The following SPTSSA variants were observed in gnomAD, a reference collection of about 807,000 sequenced individuals.
SPTSSA encodes the protein serine palmitoyltransferase small subunit A, also known as small subunit of serine palmitoyltransferase A.
In SPTSSA, 8 loss-of-function variants were observed where a neutral mutation model predicts 9.1. The ratio of observed to expected loss-of-function variants is 0.88; its 90% CI spans 0.51 to 1.58. SPTSSA has a LOEUF of 1.58. Ranked by LOEUF, SPTSSA falls within the 40% of genes most tolerant of loss-of-function variation. The pLI, the probability that SPTSSA is intolerant of heterozygous loss-of-function variation, is 0.00. For synonymous variants in SPTSSA, 42 were observed against 37.7 expected (o/e 1.11, Z -0.41); for missense variants, 100 against 93.8 (o/e 1.07, Z -0.27).
intron 1 of SPTSSA, among the ~76,000 whole-genome samples, chr14:34,445,851 G>A (rs1037304399): frequency 6.6e-6 from 1 of 152,126 alleles, no homozygotes; most frequent in African/African-American, 2.4e-5. Context: ...TGTTGTCATT[G>A]TAAACCACAG....
intron 1 of SPTSSA, among the ~76,000 whole-genome samples, chr14:34,447,225 T>C (rs1203514920): frequency 2.3e-5 from 2 of 85,302 alleles, no homozygotes; most frequent in Non-Finnish European, 4.5e-5. Flanking sequence ...CTCCATCTCT[T>C]AAAAAAAAAA....
chr14:34,446,106 A>G (rs999299400), intron 1 of SPTSSA, among the ~76,000 whole-genome samples: 11 of 152,174 alleles, frequency 7.2e-5, no homozygotes, highest in Admixed American at 2.0e-4. Flanking sequence ...CACCAGGTAA[A>G]AAAAGCTTTT....
At chr14:34,460,313 T>TA (rs1878590396) in intron 1 of SPTSSA, among the ~76,000 whole-genome samples, 1 of 152,170 alleles carries the variant, frequency 6.6e-6, no homozygotes, top group Admixed American at 6.5e-5. Flanking sequence ...TAAGGTTCTA[T>TA]AATATTGGAT....
chr14:34,457,967 C>A, intron 1 of SPTSSA, among the ~76,000 whole-genome samples: 1 of 101,550 alleles, frequency 9.8e-6, no homozygotes, highest in African/African-American at 4.7e-5. Flanking sequence ...GCAAGACTGT[C>A]TCGGAAAAAA....
chr14:34,454,121 A>G (rs906119233), intron 1 of SPTSSA, among the ~76,000 whole-genome samples: 2 of 152,200 alleles, frequency 1.3e-5, no homozygotes, highest in Non-Finnish European at 2.9e-5. Flanking sequence ...TCAAGGGTAC[A>G]GTGAACTAAA....
intron 1 of SPTSSA, among the ~76,000 whole-genome samples, chr14:34,445,922 T>C (rs745770740): frequency 6.6e-6 from 1 of 152,256 alleles, no homozygotes; most frequent in Non-Finnish European, 1.5e-5. Context: ...AACCAATGCT[T>C]GGTCCCATAT....
At chr14:34,446,773 A>C in intron 1 of SPTSSA, among the ~76,000 whole-genome samples, 1 of 152,256 alleles carries the variant, frequency 6.6e-6, no homozygotes, top group Admixed American at 6.5e-5. Context: ...AAAGGCTATC[A>C]TCACACAACA....
At chr14:34,451,642 G>C (rs1267755111) in intron 1 of SPTSSA, among the ~76,000 whole-genome samples, 2 of 148,698 alleles carry the variant, frequency 1.3e-5, no homozygotes, top group African/African-American at 5.0e-5. Flanking sequence ...AGAATGGCGT[G>C]AACTCGGGAG....
intron 1 of SPTSSA, among the ~76,000 whole-genome samples, chr14:34,456,809 C>G (rs1022808967): frequency 2.0e-5 from 3 of 150,012 alleles, no homozygotes; most frequent in African/African-American, 7.3e-5. Flanking sequence ...CAAGGCGGAA[C>G]AATTGCTTGA....
chr14:34,458,947 G>A (rs1193885762), intron 1 of SPTSSA, among the ~76,000 whole-genome samples: 2 of 117,674 alleles, frequency 1.7e-5, no homozygotes, highest in Admixed American at 9.3e-5. Context: ...CTCTGTCACT[G>A]AGGCTAGAGT....
chr14:34,453,508 T>C (rs1883562610), intron 1 of SPTSSA, among the ~76,000 whole-genome samples: 1 of 152,220 alleles, frequency 6.6e-6, no homozygotes. Flanking sequence ...ACTTTGTCCA[T>C]GCTTTGTTCA....
rs1482419476 is a variant in SPTSSA at position 34,434,248 on chromosome 14, AACAAT to A, written c.*948_*952del. 6.6e-6 allele frequency: 1 copy of A among 152,640 alleles called. No homozygotes were observed. The allele number at this position is 152,640 out of a possible 1,614,324, so 9.5% of individuals were successfully genotyped here. On this transcript the variant is annotated 3_prime_UTR_variant, in exon 2 of 2. Transcript: ENST00000298130. ...TTTAAGGAATAAAAACCTTAAAAAA[AACAAT>A]ACAAAGAGTGAAAGGATTTTAACCA...
chr14:34,448,455 G>A (rs1883463137), intron 1 of SPTSSA, among the ~76,000 whole-genome samples: 1 of 152,150 alleles, frequency 6.6e-6, no homozygotes, highest in Non-Finnish European at 1.5e-5. Flanking sequence ...TCTGGAGGCA[G>A]AGAACATCAG....
At chr14:34,456,213 T>G (rs1222635996) in intron 1 of SPTSSA, among the ~76,000 whole-genome samples, 1 of 151,702 alleles carries the variant, frequency 6.6e-6, no homozygotes, top group Admixed American at 6.6e-5. Context: ...TCCCAGCTAC[T>G]TGGGAGGCTG....
chr14:34,455,200 A>G (rs1883596249), intron 1 of SPTSSA, among the ~76,000 whole-genome samples: 3 of 151,738 alleles, frequency 2.0e-5, no homozygotes, highest in Admixed American at 6.6e-5. Context: ...ACCCTGGCTA[A>G]CATGGTGAAA....
intron 1 of SPTSSA, among the ~76,000 whole-genome samples, chr14:34,447,628 G>C (rs1348828428): frequency 6.6e-6 from 1 of 152,124 alleles, no homozygotes; most frequent in Non-Finnish European, 1.5e-5. Flanking sequence ...TGAACAAAAA[G>C]GGGGAATTTT....
Position 34,433,493 on chromosome 14 carries a change from T to C in SPTSSA, c.*1708A>G, listed in dbSNP as rs1883189892. 1 of 152,154 alleles carries C rather than the reference T, an allele frequency of 6.6e-6. No individual in the cohort carries two copies. 9.4% of individuals were successfully genotyped at this position (152,154 alleles called of 1,614,324 possible). A position where few individuals can be genotyped will look rare whatever the true frequency, so the allele number is the denominator to read the frequency against. On this transcript the variant is annotated 3_prime_UTR_variant, in exon 2 of 2. Transcript: ENST00000298130. ...TGAGATAATATGACTACAGCTCAGA[T>C]ATAACCATATCCAATTTTTAACTAC...
intron 1 of SPTSSA, among the ~76,000 whole-genome samples, chr14:34,454,492 T>A (rs1883579045): frequency 1.3e-5 from 2 of 152,224 alleles, no homozygotes. Context: ...AAGTTAATAT[T>A]CTAAGGAGTA....
intron 1 of SPTSSA, among the ~76,000 whole-genome samples, chr14:34,440,674 G>A (rs1883302034): frequency 1.3e-5 from 2 of 152,130 alleles, no homozygotes; most frequent in Admixed American, 1.3e-4. Flanking sequence ...CTGAGGTCGG[G>A]AGATCGAGAC....
Sources: allele counts gnomAD v4.1 joint callset (sites outside exome capture counted in the v4.1 genomes callset), GRCh38; gene constraint gnomAD v4.1.1; transcripts MANE v1.5; gene names NCBI Gene and HGNC (gene_info 2026-07-23, HGNC 2026-07-21).